Variants in CA10 observed in about 807,000 individuals in gnomAD.
CA10 encodes the protein carbonic anhydrase-related protein 10.
Under a neutral mutation model 44.2 loss-of-function variants are expected in CA10, and 14 were observed. That is an observed-to-expected ratio of 0.32 (90% CI 0.21 to 0.50). The LOEUF is 0.50. Ranked by LOEUF, CA10 falls within the 20% of genes least tolerant of loss-of-function variation. The pLI is 0.99. For missense variants in CA10, 350 were observed against 409.7 expected, an observed-to-expected ratio of 0.85 and a Z score of 1.26; for synonymous variants, 159 against 141.6, an observed-to-expected ratio of 1.12 and a Z score of -0.87.
At chr17:51,850,143 A>G (rs767524295) in intron 3 of CA10, among the ~76,000 whole-genome samples, 1 of 152,244 alleles carries the variant, frequency 6.6e-6, no homozygotes, top group Admixed American at 6.5e-5. Flanking sequence ...GAGATCTATG[A>G]GAAATAAACT....
intron 2 of CA10, among the ~76,000 whole-genome samples, chr17:51,946,151 A>G (rs1159868269): frequency 2.0e-5 from 3 of 152,196 alleles, no homozygotes; most frequent in Non-Finnish European, 4.4e-5. Context: ...GGCTGGGACA[A>G]GAGGAGCAAT....
At chr17:51,941,115 A>G (rs1351344216) in intron 2 of CA10, among the ~76,000 whole-genome samples, 3 of 152,134 alleles carry the variant, frequency 2.0e-5, no homozygotes, top group Non-Finnish European at 4.4e-5. Context: ...TAATTTATCC[A>G]AGGTTATTCA....
chr17:51,683,276 G>C (rs1914904287), intron 4 of CA10, among the ~76,000 whole-genome samples: 1 of 152,180 alleles, frequency 6.6e-6, no homozygotes, highest in Non-Finnish European at 1.5e-5. Flanking sequence ...TTGAGAGTCA[G>C]TGTGGTGGAG....
intron 2 of CA10, among the ~76,000 whole-genome samples, chr17:51,970,468 G>A (rs116067238): frequency 2.0e-4 from 31 of 151,966 alleles, no homozygotes; most frequent in African/African-American, 6.5e-4. Context: ...CTACTGCAGC[G>A]TATTTTAAAT....
intron 3 of CA10, among the ~76,000 whole-genome samples, chr17:51,811,073 G>T (rs1042977603): frequency 2.6e-5 from 4 of 152,080 alleles, no homozygotes; most frequent in African/African-American, 9.7e-5. Context: ...GTGGGTGCCT[G>T]TAATCCCAGC....
chr17:51,818,207 A>T (rs1192571108), intron 3 of CA10, among the ~76,000 whole-genome samples: 6 of 152,242 alleles, frequency 3.9e-5, no homozygotes, highest in Non-Finnish European at 5.9e-5. Context: ...TGTAATCCTT[A>T]TCTTACCTCA....
chr17:52,127,287 T>C (rs566518608), intron 1 of CA10, among the ~76,000 whole-genome samples: 1 of 152,352 alleles, frequency 6.6e-6, no homozygotes, highest in African/African-American at 2.4e-5. Flanking sequence ...AGTTCTAGCA[T>C]ATTCTTTTTC....
intron 1 of CA10, among the ~76,000 whole-genome samples, chr17:52,098,814 A>G (rs148550650): frequency 2.2e-4 from 34 of 152,290 alleles, no homozygotes; most frequent in African/African-American, 7.2e-4. Context: ...CCATTGCTAT[A>G]TTAAAGAAAT....
At chr17:52,055,604 G>A (rs866455999) in intron 2 of CA10, among the ~76,000 whole-genome samples, 1 of 151,984 alleles carries the variant, frequency 6.6e-6, no homozygotes, top group Admixed American at 6.6e-5. Context: ...GACTGTAAAT[G>A]TATTGTGAAA....
At chr17:51,845,307 C>T (rs1165639177) in intron 3 of CA10, among the ~76,000 whole-genome samples, 1 of 152,182 alleles carries the variant, frequency 6.6e-6, no homozygotes, top group East Asian at 1.9e-4. Flanking sequence ...TGTGCTCACT[C>T]TCTCTTGGAT....
chr17:52,059,420 T>G (rs1987317363), intron 2 of CA10, among the ~76,000 whole-genome samples: 1 of 152,034 alleles, frequency 6.6e-6, no homozygotes, highest in African/African-American at 2.4e-5. Context: ...CACTGAGCAT[T>G]TTCCAGAACC....
rs5820898 is a variant in CA10, at chr17:52,012,826, TAA to T, written c.136+59491_136+59492del. On this transcript the variant is annotated intron_variant, in intron 2 of 8. Transcript: ENST00000451037. ...AAAGGAAATGGAAATGTGTTAATTA[TAA>T]AAAAAAAAATGTCCTATTTTAAAGT... is the stretch of plus-strand genomic sequence containing the variant. 1.3e-3 allele frequency among the ~76,000 whole-genome samples: 201 copies of T among 149,988 alleles called. No homozygotes were observed. In the South Asian group the frequency reaches 0.019, roughly 14 times the overall value.
At chr17:52,104,541 G>A (rs1988615787) in intron 1 of CA10, among the ~76,000 whole-genome samples, 1 of 152,062 alleles carries the variant, frequency 6.6e-6, no homozygotes. Context: ...TCAAACGAGG[G>A]CACAAACAAC....
intron 3 of CA10, among the ~76,000 whole-genome samples, chr17:51,760,346 T>C (rs1401067470): frequency 6.6e-6 from 1 of 152,228 alleles, no homozygotes; most frequent in Admixed American, 6.5e-5. Context: ...CTTGCCCCTA[T>C]AGGCTCTCTC....
chr17:52,079,639 C>T (rs1987913163), intron 1 of CA10, among the ~76,000 whole-genome samples: 1 of 152,008 alleles, frequency 6.6e-6, no homozygotes, highest in Non-Finnish European at 1.5e-5. Context: ...GGTGTGACGC[C>T]TATATTTGTG....
chr17:51,931,206 G>A, intron 2 of CA10, 74 bp from the exon 3 acceptor site: 1 of 1,424,638 alleles, frequency 7.0e-7, no homozygotes, highest in Non-Finnish European at 9.7e-7. Flanking sequence ...ACAGAGCTAT[G>A]TACAAACGTG....
chr17:51,841,913 T>C (rs1483824164), intron 3 of CA10, among the ~76,000 whole-genome samples: 1 of 152,188 alleles, frequency 6.6e-6, no homozygotes, highest in Non-Finnish European at 1.5e-5. Flanking sequence ...GGCATGCCAA[T>C]GACAAGAGGA....
At chr17:51,946,131 T>C (rs1425634432) in intron 2 of CA10, among the ~76,000 whole-genome samples, 2 of 152,130 alleles carry the variant, frequency 1.3e-5, no homozygotes, top group Non-Finnish European at 2.9e-5. Context: ...AACAGAATGG[T>C]AGTTACCAGG....
At chr17:51,912,884 A>G (rs879382740) in intron 3 of CA10, among the ~76,000 whole-genome samples, 4 of 152,254 alleles carry the variant, frequency 2.6e-5, no homozygotes, top group African/African-American at 9.6e-5. Context: ...CTCAAAGTAC[A>G]TTCTAATAAT....
Sources: gnomAD v4.1 joint callset for allele counts (sites outside exome capture counted in the v4.1 genomes callset) on GRCh38, gnomAD v4.1.1 for gene constraint, MANE v1.5 for transcripts, NCBI Gene and HGNC (gene_info 2026-07-23, HGNC 2026-07-21) for gene names.